Variants in TMEM254 observed in about 807,000 individuals in gnomAD.
TMEM254 encodes transmembrane protein C10orf57.
Under a neutral mutation model 13.9 loss-of-function variants are expected in TMEM254, and 16 were observed. The observed-to-expected ratio is 1.15, with a 90% CI of 0.78 to 1.75. The LOEUF (loss-of-function observed/expected upper bound fraction) is 1.75. Ranked by LOEUF, TMEM254 falls within the 40% of genes most tolerant of loss-of-function variation. TMEM254 has a pLI of 0.00. For synonymous variants in TMEM254, 61 were observed against 56.4 expected, an observed-to-expected ratio of 1.08 and a Z score of -0.36; for missense variants, 155 against 149.0, an observed-to-expected ratio of 1.04 and a Z score of -0.21.
At chr10:80,080,961 T>C (rs1843981091) in intron 1 of TMEM254, among the ~76,000 whole-genome samples, 2 of 152,146 alleles carry the variant, frequency 1.3e-5, no homozygotes, top group African/African-American at 2.4e-5. Flanking sequence ...GCACCTGTAG[T>C]CCCAGCTACT....
chr10:80,078,819 C>A, intron 1 of TMEM254, 33 bp downstream of exon 1: 1 of 1,568,952 alleles, frequency 6.4e-7, no homozygotes, highest in South Asian at 1.2e-5. Flanking sequence ...TACGGTCTGA[C>A]GAACGAGCGA....
At chr10:80,081,487 T>C (rs192529694) in intron 1 of TMEM254, among the ~76,000 whole-genome samples, 1 of 152,030 alleles carries the variant, frequency 6.6e-6, no homozygotes, top group African/African-American at 2.4e-5. Flanking sequence ...GGCAACATAG[T>C]GAGACCCCAT....
intron 3 of TMEM254, chr10:80,086,499 C>T: frequency 3.5e-6 from 1 of 286,556 alleles, no homozygotes; most frequent in Non-Finnish European, 6.8e-6. Flanking sequence ...TCAAAACAAA[C>T]ATGTTTGTTT....
chr10:80,083,490 A>G (rs540242652), intron 3 of TMEM254, among the ~76,000 whole-genome samples: 1 of 152,256 alleles, frequency 6.6e-6, no homozygotes, highest in Non-Finnish European at 1.5e-5. Context: ...TGTTTTGTAG[A>G]TCGTTCCCCA....
chr10:80,079,322 G>T, intron 1 of TMEM254: 7 of 1,198,414 alleles, frequency 5.8e-6, no homozygotes, highest in Non-Finnish European at 7.4e-6. Context: ...GCGGAAATTC[G>T]GTGGGCTCTT....
rs749053952 is a variant in TMEM254 at position 80,090,901 on chromosome 10, G to T, written c.356G>T (p.Arg119Leu). Reference sequence around the variant, plus strand: ...ATCTTGATTGCTTACAAACGGAAGCGCCAAAAACAAACTTGAAGTTGTCTG... The same window carrying T: ...ATCTTGATTGCTTACAAACGGAAGCTCCAAAAACAAACTTGAAGTTGTCTG... ...LTILIAYKRK[R>L]QKQT Residue 119 changes from arginine (R) to leucine (L), a missense_variant, in exon 4 of 4, where the codon CGC becomes CTC. Arg to Leu is a moderately radical substitution (Grantham distance 102, BLOSUM62 -2). Coordinates refer to ENST00000372281, the MANE Select transcript of TMEM254 (RefSeq NM_025125.4). 6.2e-7 allele frequency: 1 copy of T among 1,613,388 alleles called. No homozygotes were observed. Among genetic ancestry groups the T allele is most frequent in the South Asian group, 1.1e-5 (1 of 90,898 alleles).
In TMEM254 at chr10:80,078,949, A is replaced by C. The variant is rs1055937792; in HGVS notation, c.87+163A>C. ...GGAGGGGACCAGACTCCGCAATGAG[A>C]GCAAGCATACTGGTCCGCCAGGGTC... On this transcript the variant is annotated intron_variant, in intron 1 of 3. Transcript: ENST00000372281. 4.6e-6 allele frequency: 7 copies of C among 1,531,920 alleles called. No homozygotes were observed. The African/African-American group carries it at 9.7e-5, about 21-fold the overall frequency. The allele number at this position is 1,531,920 out of a possible 1,614,324, so 94.9% of individuals were successfully genotyped here.
chr10:80,078,693 T>C lies in TMEM254; in HGVS notation c.-7T>C, dbSNP rs375330093. On this transcript the variant is annotated 5_prime_UTR_variant, in exon 1 of 4. Coordinates refer to ENST00000372281, the MANE Select transcript of TMEM254 (RefSeq NM_025125.4). ...CTGAAGCGCGCTCCCGGGGAGGTGT[T>C]GCAGCCATGGCTACGGCAGCCGGCG... The C allele has an allele frequency of 5.0e-6, 8 of 1,595,952 alleles. No homozygotes were observed. The African/African-American group carries it at 5.4e-5, about 11-fold the overall frequency.
intron 3 of TMEM254, among the ~76,000 whole-genome samples, chr10:80,085,976 A>AGATTTTAT (rs1294377507): frequency 6.6e-6 from 1 of 152,198 alleles, no homozygotes; most frequent in African/African-American, 2.4e-5. Flanking sequence ...TATGTAGAGT[A>AGATTTTAT]GATTTTATTA....
chr10:80,083,773 T>C lies in TMEM254; in HGVS notation c.251+1569T>C, dbSNP rs140413519. ...TGGGAATAGTTAGGGAGAACAAGGC[T>C]CAGCCTTAAATAGCTGCTGCTGGCC... On this transcript the variant is annotated intron_variant, in intron 3 of 3. Coordinates refer to ENST00000372281, the MANE Select transcript of TMEM254 (RefSeq NM_025125.4). Among the ~76,000 whole-genome samples the C allele has an allele frequency of 9.1e-4, 139 of 152,204 alleles. 2 individuals carry two copies. The highest frequency in any genetic ancestry group is 6.7e-3 in the Admixed American group (102 of 15,270).
At chr10:80,081,680 GAA>G in intron 1 of TMEM254, 159 bp from the exon 2 acceptor site, 7 of 1,567,620 alleles carry the variant, frequency 4.5e-6, no homozygotes, top group Non-Finnish European at 6.1e-6. Flanking sequence ...AAAAAAGAAA[GAA>G]AGAAAATAGA....
chr10:80,078,689 G>A lies in TMEM254; in HGVS notation c.-11G>A, dbSNP rs1274723456. 2 of 1,593,324 alleles carry A rather than the reference G, an allele frequency of 1.3e-6. No individual in the cohort carries two copies. Among genetic ancestry groups the A allele is most frequent in the Non-Finnish European group, 1.7e-6 (2 of 1,172,380 alleles). On this transcript the variant is annotated 5_prime_UTR_variant, in exon 1 of 4. It adds an upstream start codon to the 5' untranslated region. Coordinates refer to ENST00000372281, the MANE Select transcript of TMEM254 (RefSeq NM_025125.4). ...TGTCCTGAAGCGCGCTCCCGGGGAGGTGTTGCAGCCATGGCTACGGCAGCC... is the reference window on the plus strand; with the variant it reads ...TGTCCTGAAGCGCGCTCCCGGGGAGATGTTGCAGCCATGGCTACGGCAGCC...
At chr10:80,090,339 A>G (rs1221649397) in intron 3 of TMEM254, 2 of 717,168 alleles carry the variant, frequency 2.8e-6, no homozygotes, top group Admixed American at 2.0e-5. Flanking sequence ...AATCATCTCA[A>G]CTGACTCAGT....
intron 3 of TMEM254, among the ~76,000 whole-genome samples, chr10:80,085,323 G>C (rs767247151): frequency 2.6e-5 from 4 of 152,080 alleles, no homozygotes; most frequent in Non-Finnish European, 5.9e-5. Context: ...ACTTGGGGAG[G>C]CTGAGGCAGG....
At chr10:80,086,386 G>A (rs1844314942) in intron 3 of TMEM254, 1 of 471,900 alleles carries the variant, frequency 2.1e-6, no homozygotes, top group African/African-American at 2.0e-5. Context: ...GCTCTTCCAA[G>A]ATGGCAACTC....
At chr10:80,081,701 A>C (rs1844035709) in intron 1 of TMEM254, 140 bp from the exon 2 acceptor site, 1 of 1,603,918 alleles carries the variant, frequency 6.2e-7, no homozygotes, top group African/African-American at 1.3e-5. Flanking sequence ...GAAGCCAAGA[A>C]TGGAGACCCA....
intron 3 of TMEM254, 85 bp from the exon 4 acceptor site, chr10:80,090,712 A>T (rs1040148718): frequency 1.4e-5 from 18 of 1,315,554 alleles, no homozygotes; most frequent in East Asian, 2.5e-5. Context: ...GGTATAATTT[A>T]AAAAATATAT....
chr10:80,086,331 C>A (rs182054597), intron 3 of TMEM254: 5 of 1,184,290 alleles, frequency 4.2e-6, no homozygotes, highest in Non-Finnish European at 5.6e-6. Context: ...CCAACTGTGA[C>A]CCTTCTGAAG....
intron 3 of TMEM254, among the ~76,000 whole-genome samples, chr10:80,085,278 A>G (rs2132289268): frequency 6.6e-6 from 1 of 152,064 alleles, no homozygotes; most frequent in Non-Finnish European, 1.5e-5. Context: ...TTATGAGATG[A>G]GTTGGGTACG....
Sources: allele counts gnomAD v4.1 joint callset (sites outside exome capture counted in the v4.1 genomes callset), GRCh38; gene constraint gnomAD v4.1.1; transcripts MANE v1.5; gene names NCBI Gene and HGNC (gene_info 2026-07-23, HGNC 2026-07-21).